The following CNBD1 variants were observed in gnomAD, a reference collection of about 807,000 sequenced individuals.
CNBD1 encodes cyclic nucleotide-binding domain-containing protein 1.
In CNBD1, 71 loss-of-function variants were observed where a neutral mutation model predicts 54.4. The ratio of observed to expected loss-of-function variants is 1.30; its 90% CI spans 1.08 to 1.59. The LOEUF (loss-of-function observed/expected upper bound fraction) is 1.59, where lower values mean the gene tolerates loss of function less well. Among genes scored for constraint, CNBD1 ranks in the 40% most tolerant of loss-of-function variants. The pLI is 0.00. For missense variants in CNBD1, 659 were observed against 518.0 expected (o/e 1.27, Z -2.64); for synonymous variants, 182 against 170.7 (o/e 1.07, Z -0.51).
At chr8:87,024,253 A>G (rs1344840191) in intron 4 of CNBD1, among the ~76,000 whole-genome samples, 3 of 150,038 alleles carry the variant, frequency 2.0e-5, no homozygotes, top group Admixed American at 1.3e-4. Flanking sequence ...AAAAAGAAAA[A>G]AAAAAAAAAA....
chr8:87,004,743 T>C (rs1809061315), intron 4 of CNBD1, among the ~76,000 whole-genome samples: 1 of 152,138 alleles, frequency 6.6e-6, no homozygotes, highest in Admixed American at 6.5e-5. Context: ...AGAAGGAACC[T>C]AAAACTAGGT....
chr8:87,012,715 A>G (rs1032903749), intron 4 of CNBD1, among the ~76,000 whole-genome samples: 1 of 152,174 alleles, frequency 6.6e-6, no homozygotes, highest in East Asian at 1.9e-4. Flanking sequence ...TTTAACCTGA[A>G]CATTCCTTTC....
intron 3 of CNBD1, among the ~76,000 whole-genome samples, chr8:86,924,847 T>A (rs1186000305): frequency 6.6e-6 from 1 of 152,216 alleles, no homozygotes; most frequent in Admixed American, 6.5e-5. Context: ...GTTGACTTTC[T>A]TGCATGTTTC....
At chr8:86,901,929 T>C (rs1808944739) in intron 2 of CNBD1, among the ~76,000 whole-genome samples, 1 of 152,164 alleles carries the variant, frequency 6.6e-6, no homozygotes, top group Admixed American at 6.6e-5. Flanking sequence ...CTTCCTGCCT[T>C]CTCTAATAGA....
At chr8:87,025,902 A>T (rs1809634569) in intron 4 of CNBD1, among the ~76,000 whole-genome samples, 1 of 152,182 alleles carries the variant, frequency 6.6e-6, no homozygotes, top group Non-Finnish European at 1.5e-5. Flanking sequence ...AGGACACAGG[A>T]TGAATTGATG....
intron 3 of CNBD1, among the ~76,000 whole-genome samples, chr8:86,935,013 GTTTGTTTATTTA>G (rs1287082959): frequency 4.8e-3 from 241 of 49,774 alleles, no homozygotes; most frequent in Middle Eastern, 0.047. Flanking sequence ...GGGTTTGTTT[GTTTGTTTATTTA>G]TTTATTTATT....
At chr8:87,348,561 T>G (rs1489514455) in intron 8 of CNBD1, among the ~76,000 whole-genome samples, 2 of 152,182 alleles carry the variant, frequency 1.3e-5, no homozygotes, top group Non-Finnish European at 2.9e-5. Flanking sequence ...AGGAATCCAT[T>G]CAGCTAATGG....
intron 2 of CNBD1, among the ~76,000 whole-genome samples, chr8:86,890,235 A>G (rs1247519955): frequency 1.3e-5 from 2 of 152,058 alleles, no homozygotes; most frequent in Non-Finnish European, 2.9e-5. Flanking sequence ...TTTCGTCAAC[A>G]TCTCCACATT....
At chr8:87,278,155 G>A (rs1474834723) in intron 6 of CNBD1, among the ~76,000 whole-genome samples, 1 of 151,328 alleles carries the variant, frequency 6.6e-6, no homozygotes, top group African/African-American at 2.4e-5. Flanking sequence ...GAAGAAAAAA[G>A]ATGAATGATA....
intron 8 of CNBD1, among the ~76,000 whole-genome samples, chr8:87,295,070 T>C (rs773889749): frequency 6.6e-6 from 1 of 151,962 alleles, no homozygotes; most frequent in African/African-American, 2.4e-5. Context: ...TAATTAGTAA[T>C]AGAAATGTGT....
intron 8 of CNBD1, among the ~76,000 whole-genome samples, chr8:87,339,285 G>A (rs1348136959): frequency 1.3e-5 from 2 of 152,170 alleles, no homozygotes; most frequent in African/African-American, 4.8e-5. Context: ...GAGCATCATA[G>A]TAATGGGTTC....
intron 5 of CNBD1, among the ~76,000 whole-genome samples, chr8:87,209,324 T>A (rs1031164017): frequency 2.0e-5 from 3 of 152,084 alleles, no homozygotes; most frequent in Non-Finnish European, 2.9e-5. Flanking sequence ...TTAAATGAAT[T>A]CAGTAAAATT....
chr8:87,428,252 G>A (rs1029413160), intron 2 of CNBD1, among the ~76,000 whole-genome samples: 1 of 152,018 alleles, frequency 6.6e-6, no homozygotes, highest in Non-Finnish European at 1.5e-5. Context: ...TAAATGAATG[G>A]CTTTGAGGTA....
At chr8:87,298,246 A>G (rs1002585402) in intron 8 of CNBD1, among the ~76,000 whole-genome samples, 1 of 152,028 alleles carries the variant, frequency 6.6e-6, no homozygotes, top group East Asian at 1.9e-4. Flanking sequence ...TTTATAGTTT[A>G]AAAATTATAT....
downstream of CNBD1, among the ~76,000 whole-genome samples, chr8:87,383,939 A>G (rs370532835): frequency 2.2e-4 from 34 of 152,232 alleles, no homozygotes; most frequent in East Asian, 6.4e-3. Flanking sequence ...CTGATTTTAG[A>G]TCATGGCTAT....
chr8:86,871,985 G>A (rs113542656), intron 1 of CNBD1, among the ~76,000 whole-genome samples: 72 of 152,338 alleles, frequency 4.7e-4, no homozygotes, highest in African/African-American at 1.5e-3. Context: ...AAAGTACTCA[G>A]CGTAGCTCAT....
chr8:87,423,853 A>T (rs981700714), intron 2 of CNBD1, among the ~76,000 whole-genome samples: 5 of 152,156 alleles, frequency 3.3e-5, no homozygotes, highest in Non-Finnish European at 1.5e-5. Context: ...AAGGAATGGT[A>T]CCAGTTCCTC....
intron 8 of CNBD1, among the ~76,000 whole-genome samples, chr8:87,321,164 C>G (rs1171067038): frequency 1.7e-5 from 1 of 59,642 alleles, no homozygotes; most frequent in Non-Finnish European, 4.2e-5. Context: ...TTTTTGAGAT[C>G]CTGATTTCAA....
intron 4 of CNBD1, among the ~76,000 whole-genome samples, chr8:87,102,275 T>C (rs1811444507): frequency 6.6e-6 from 1 of 152,034 alleles, no homozygotes; most frequent in South Asian, 2.1e-4. Flanking sequence ...TGAGTGGGCA[T>C]GGGTACAGGA....
Sources: allele counts gnomAD v4.1 joint callset (sites outside exome capture counted in the v4.1 genomes callset), GRCh38; gene constraint gnomAD v4.1.1; transcripts MANE v1.5; gene names NCBI Gene and HGNC (gene_info 2026-07-23, HGNC 2026-07-21).